The following GSN variants were observed in gnomAD, a reference collection of about 807,000 sequenced individuals.
GSN encodes gelsolin.
GSN carries 56 observed loss-of-function variants against 85.7 expected under a neutral mutation model. The ratio of observed to expected loss-of-function variants is 0.65; its 90% CI spans 0.53 to 0.82. The LOEUF is 0.82. Among genes scored for constraint, GSN ranks in the 40% least tolerant of loss-of-function variants. The pLI is 0.00. For missense variants in GSN, 857 were observed against 979.8 expected, an observed-to-expected ratio of 0.87 and a Z score of 1.67; for synonymous variants, 373 against 399.1, an observed-to-expected ratio of 0.93 and a Z score of 0.78.
At chr9:121,270,307 G>A (rs954154094) in intron 1 of GSN, among the ~76,000 whole-genome samples, 2 of 152,232 alleles carry the variant, frequency 1.3e-5, no homozygotes, top group African/African-American at 4.8e-5. Context: ...AAAGGGTTTT[G>A]ACAGAGCAGT....
chr9:121,242,477 A>G (rs2054623387), intron 5 of GSN, among the ~76,000 whole-genome samples: 1 of 132,564 alleles, frequency 7.5e-6, no homozygotes. Context: ...GGAGTAACGA[A>G]CCAAATGGGG....
intron 5 of GSN, among the ~76,000 whole-genome samples, chr9:121,244,995 A>C (rs1477066656): frequency 3.9e-5 from 6 of 152,190 alleles, no homozygotes; most frequent in Non-Finnish European, 7.3e-5. Flanking sequence ...TAACTTTGGA[A>C]CAATGTAAAC....
chr9:121,251,489 GC>G (rs1007837636), intron 6 of GSN, among the ~76,000 whole-genome samples: 1 of 151,740 alleles, frequency 6.6e-6, no homozygotes, highest in African/African-American at 2.4e-5. Flanking sequence ...GAGCTACCGT[GC>G]CCAGCCTGAT....
At position 121,324,498 on chromosome 9, in the gene GSN, G is replaced by A; in HGVS notation, c.1326-56G>A. 12 of 881,088 alleles carry A rather than the reference G, an allele frequency of 1.4e-5. No individual in the cohort carries two copies. The South Asian group carries it at 1.7e-4, about 12-fold the overall frequency. 54.6% of individuals were successfully genotyped at this position (881,088 alleles called of 1,614,324 possible). A position where few individuals can be genotyped will look rare whatever the true frequency, so the allele number is the denominator to read the frequency against. Reference sequence around the variant, plus strand: ...GTAGGTTTCTCAGACTCAGGGCAAGGGAGAGGCTCAGGGCTCTGTGTGCAC... The same window carrying A: ...GTAGGTTTCTCAGACTCAGGGCAAGAGAGAGGCTCAGGGCTCTGTGTGCAC... On this transcript the variant is annotated intron_variant, in intron 11 of 17. Coordinates refer to ENST00000432226, the MANE Select transcript of GSN (RefSeq NM_198252.3).
At chr9:121,326,139 C>T (rs2063138178) in intron 12 of GSN, among the ~76,000 whole-genome samples, 2 of 150,228 alleles carry the variant, frequency 1.3e-5, no homozygotes, top group East Asian at 3.9e-4. Flanking sequence ...TACCACTCCA[C>T]CAGCAGTCAT....
chr9:121,250,872 GGTGTGTGTGTGTGTGTGTGTGTGT>G (rs34623899), intron 6 of GSN, among the ~76,000 whole-genome samples: 2 of 135,018 alleles, frequency 1.5e-5, no homozygotes, highest in African/African-American at 5.5e-5. Context: ...GCCTGCTTGG[GGTGTGTGTGTGTGTGTGTGTGTGT>G]GTGTGTGTGT....
intron 6 of GSN, among the ~76,000 whole-genome samples, chr9:121,257,953 C>T (rs2055001381): frequency 6.6e-6 from 1 of 152,188 alleles, no homozygotes. Flanking sequence ...GTATAAAGAA[C>T]ATATGGCAAC....
chr9:121,242,836 G>T (rs1461789061), intron 5 of GSN, among the ~76,000 whole-genome samples: 1 of 152,086 alleles, frequency 6.6e-6, no homozygotes, highest in Non-Finnish European at 1.5e-5. Context: ...GGGATGTAAG[G>T]CATGTCATCT....
intron 6 of GSN, among the ~76,000 whole-genome samples, chr9:121,250,695 G>A (rs566624254): frequency 3.3e-5 from 5 of 149,628 alleles, no homozygotes; most frequent in East Asian, 2.0e-4. Context: ...GTGCCACCAC[G>A]CCTGGCTTAT....
In GSN at chr9:121,302,972, C is replaced by CT; in HGVS notation, c.259dup (p.Tyr87LeufsTer11). The stretch of plus-strand genomic sequence containing the variant: ...CCATCTTTACCGTGCAGCTGGATGA[C>CT]TACCTGAACGGCCGGGCCGTGCAGC... On this transcript the variant is annotated frameshift_variant, in exon 4 of 18. Coordinates refer to ENST00000432226, the MANE Select transcript of GSN (RefSeq NM_198252.3). LOFTEE classifies it high-confidence loss of function. 1 of 1,614,024 alleles carries CT rather than the reference C, an allele frequency of 6.2e-7. No individual in the cohort carries two copies. Among genetic ancestry groups the CT allele is most frequent in the South Asian group, 1.1e-5 (1 of 91,082 alleles).
At position 121,318,628 on chromosome 9, in the gene GSN, C is replaced by G; in HGVS notation, c.976-37C>G. The G allele has an allele frequency of 6.4e-7, 1 of 1,553,814 alleles. No homozygotes were observed. Among genetic ancestry groups the G allele is most frequent in the Non-Finnish European group, 8.9e-7 (1 of 1,125,466 alleles). The stretch of plus-strand genomic sequence containing the variant: ...TCCCCTGGGGACCCCTGCTGGGCAG[C>G]CCAGCCACATCCTGCTCCTCTGCCT... On this transcript the variant is annotated intron_variant, in intron 9 of 17. Coordinates refer to ENST00000432226, the MANE Select transcript of GSN (RefSeq NM_198252.3). The surrounding 1 kb of genome is among the most constrained non-coding windows in gnomAD (Gnocchi z 4.3).
upstream of GSN, among the ~76,000 whole-genome samples, chr9:121,206,991 C>A (rs577612286): frequency 6.6e-6 from 1 of 152,338 alleles, no homozygotes; most frequent in South Asian, 2.1e-4. Flanking sequence ...ACTGAGAAAA[C>A]ATTTAACTCT....
chr9:121,210,279 TTCTC>T (rs956139927), exon 3 of GSN: 61 of 152,334 alleles, frequency 4.0e-4, no homozygotes, highest in African/African-American at 1.4e-3. Flanking sequence ...GTCTCTCCGT[TTCTC>T]TCTCTGGAAC....
intron 5 of GSN, chr9:121,239,721 T>C: frequency 3.3e-6 from 1 of 306,574 alleles, no homozygotes; most frequent in Non-Finnish European, 6.4e-6. Context: ...AATGGGTTTT[T>C]CCCGATCCAA....
chr9:121,285,698 T>C (rs2057986888), intron 2 of GSN, among the ~76,000 whole-genome samples: 1 of 152,118 alleles, frequency 6.6e-6, no homozygotes, highest in Non-Finnish European at 1.5e-5. Context: ...GCTCACATGT[T>C]TATTACAATT....
chr9:121,205,803 G>A (rs2053872847), upstream of GSN, among the ~76,000 whole-genome samples: 1 of 152,084 alleles, frequency 6.6e-6, no homozygotes, highest in Non-Finnish European at 1.5e-5. Context: ...GTAAAAAGTA[G>A]ATGTTATTTT....
At chr9:121,222,299 T>C (rs577882068) in intron 4 of GSN, 25 of 152,350 alleles carry the variant, frequency 1.6e-4, no homozygotes, top group Admixed American at 1.6e-3. Context: ...GATAGGATCA[T>C]ACTAGAAATA....
intron 2 of GSN, chr9:121,282,202 C>T: frequency 1.8e-6 from 1 of 546,342 alleles, no homozygotes; most frequent in Admixed American, 3.2e-5. Flanking sequence ...GCCTCGGTTT[C>T]TCCACCTGTA....
At chr9:121,302,453 C>T (rs1487397626) in intron 3 of GSN, among the ~76,000 whole-genome samples, 1 of 152,168 alleles carries the variant, frequency 6.6e-6, no homozygotes. Flanking sequence ...GCGTTAAACA[C>T]CTTACTGTGA....
Sources: allele counts gnomAD v4.1 joint callset (sites outside exome capture counted in the v4.1 genomes callset), GRCh38; gene constraint gnomAD v4.1.1; non-coding constraint Gnocchi (gnomAD v3.1); transcripts MANE v1.5; gene names NCBI Gene and HGNC (gene_info 2026-07-23, HGNC 2026-07-21).